PCCA: variants seen among roughly 807,000 people sequenced by gnomAD.
PCCA encodes the protein propionyl-CoA carboxylase subunit alpha.
Under a neutral mutation model 101.3 loss-of-function variants are expected in PCCA, and 74 were observed. The ratio of observed to expected loss-of-function variants is 0.73; its 90% CI spans 0.61 to 0.89. The LOEUF (loss-of-function observed/expected upper bound fraction) is 0.89. Ranked by LOEUF, PCCA falls within the 40% of genes least tolerant of loss-of-function variation. The pLI is 0.00. For missense variants in PCCA, 891 were observed against 907.0 expected, an observed-to-expected ratio of 0.98 and a Z score of 0.23; for synonymous variants, 294 against 313.6, an observed-to-expected ratio of 0.94 and a Z score of 0.66.
chr13:100,156,190 T>C (rs2053867669), intron 5 of PCCA, among the ~76,000 whole-genome samples: 1 of 152,206 alleles, frequency 6.6e-6, no homozygotes, highest in Admixed American at 6.5e-5. Flanking sequence ...TGCCTCAGCC[T>C]CCCAAGTAGC....
At chr13:100,310,669 T>C (rs9557413) in intron 16 of PCCA, among the ~76,000 whole-genome samples, 45,921 of 152,076 alleles carry the variant, frequency 0.3, 8,370 homozygotes, top group Middle Eastern at 0.47. Context: ...TCATGTTTTA[T>C]ACTTAAATGA....
intron 18 of PCCA, among the ~76,000 whole-genome samples, chr13:100,346,446 T>C (rs1467514125): frequency 6.6e-6 from 1 of 152,186 alleles, no homozygotes; most frequent in Admixed American, 6.5e-5. Flanking sequence ...AATCTCGTGA[T>C]AGAACTTGAA....
intron 16 of PCCA, among the ~76,000 whole-genome samples, chr13:100,328,883 G>C (rs563073142): frequency 6.6e-6 from 1 of 151,306 alleles, no homozygotes; most frequent in Admixed American, 6.6e-5. Context: ...TAGTAGAGAT[G>C]GGGTTTCACT....
intron 6 of PCCA, among the ~76,000 whole-genome samples, chr13:100,176,527 C>T (rs1361799890): frequency 6.6e-6 from 1 of 152,076 alleles, no homozygotes; most frequent in African/African-American, 2.4e-5. Flanking sequence ...ATGTATCTGT[C>T]TACTTATTTA....
In PCCA at chr13:100,302,927, C is replaced by G. The variant is rs772750102; in HGVS notation, c.1213C>G (p.Pro405Ala). The G allele has an allele frequency of 6.3e-6, 10 of 1,581,970 alleles. No individual in the cohort carries two copies. The South Asian group carries it at 1.1e-4, about 17-fold the overall frequency. The change falls in exon 14 of 24, where the codon CCC becomes GCC. Residue 405 changes from proline to alanine, a missense_variant. Physicochemically the swap from Pro to Ala is conservative, Grantham distance 27. Transcript: ENST00000376285. ...AVECRVYAEDPYKSFGLPSIG... is the reference protein window; with the variant it reads ...AVECRVYAEDAYKSFGLPSIG... ...TTCCTTTCCTTTGAACTTTCAGGAC[C>G]CCTACAAGTCTTTTGGTTTACCATC... is the stretch of plus-strand genomic sequence containing the variant.
chr13:100,261,228 G>T (rs2062483150), intron 9 of PCCA, among the ~76,000 whole-genome samples: 1 of 152,036 alleles, frequency 6.6e-6, no homozygotes, highest in Non-Finnish European at 1.5e-5. Context: ...TTAAATACAG[G>T]TATTTAATCT....
chr13:100,315,180 T>C (rs1431437892), intron 16 of PCCA, among the ~76,000 whole-genome samples: 1 of 152,174 alleles, frequency 6.6e-6, no homozygotes, highest in African/African-American at 2.4e-5. Flanking sequence ...TATATAGTAA[T>C]TCTGCTTACT....
intron 12 of PCCA, among the ~76,000 whole-genome samples, chr13:100,294,377 C>A (rs2065360033): frequency 6.6e-6 from 1 of 152,078 alleles, no homozygotes; most frequent in African/African-American, 2.4e-5. Flanking sequence ...CTTATCATTT[C>A]TTCATGTGAT....
chr13:100,142,417 G>T (rs895086989), intron 4 of PCCA, among the ~76,000 whole-genome samples: 3 of 151,002 alleles, frequency 2.0e-5, no homozygotes, highest in African/African-American at 7.3e-5. Context: ...CACAAATTTA[G>T]TTCCAGAAAT....
At chr13:100,525,252 C>A (rs1018009339) in intron 22 of PCCA, among the ~76,000 whole-genome samples, 1 of 152,180 alleles carries the variant, frequency 6.6e-6, no homozygotes, top group Non-Finnish European at 1.5e-5. Flanking sequence ...CGGACTCTCA[C>A]AATCAGACAG....
chr13:100,323,799 A>G (rs924194557), intron 16 of PCCA, among the ~76,000 whole-genome samples: 2 of 152,186 alleles, frequency 1.3e-5, no homozygotes, highest in East Asian at 1.9e-4. Context: ...ATTAAGCATT[A>G]TATCATTTAT....
At chr13:100,127,331 A>G (rs767565184) in intron 4 of PCCA, among the ~76,000 whole-genome samples, 9 of 152,216 alleles carry the variant, frequency 5.9e-5, no homozygotes, top group Non-Finnish European at 1.0e-4. Flanking sequence ...TTTTTTGTTA[A>G]TAACTTATAC....
At chr13:100,353,275 A>G (rs1416632852) in intron 18 of PCCA, among the ~76,000 whole-genome samples, 1 of 152,214 alleles carries the variant, frequency 6.6e-6, no homozygotes, top group East Asian at 1.9e-4. Context: ...AAATAGATCT[A>G]ACAGACATCT....
intron 19 of PCCA, among the ~76,000 whole-genome samples, chr13:100,404,974 G>A (rs773741716): frequency 9.2e-5 from 14 of 152,102 alleles, no homozygotes; most frequent in Non-Finnish European, 1.9e-4. Flanking sequence ...GCTTTGACCC[G>A]AAGCTTGGAA....
chr13:100,363,405 G>C (rs1193280890), intron 18 of PCCA, among the ~76,000 whole-genome samples: 1 of 151,842 alleles, frequency 6.6e-6, no homozygotes, highest in Non-Finnish European at 1.5e-5. Context: ...TGAGCCATGG[G>C]AGGGCTCCTT....
chr13:100,525,990 C>G (rs1398222997), intron 22 of PCCA, among the ~76,000 whole-genome samples: 1 of 152,224 alleles, frequency 6.6e-6, no homozygotes, highest in African/African-American at 2.4e-5. Context: ...TGCCTGAGTG[C>G]TCAGTCCTAG....
chr13:100,485,465 G>T (rs888326356), intron 21 of PCCA, among the ~76,000 whole-genome samples: 1 of 152,228 alleles, frequency 6.6e-6, no homozygotes, highest in African/African-American at 2.4e-5. Flanking sequence ...CACATGTGTG[G>T]TGAGCATTTC....
At chr13:100,525,491 G>C (rs775047906) in intron 22 of PCCA, among the ~76,000 whole-genome samples, 78 of 152,260 alleles carry the variant, frequency 5.1e-4, no homozygotes, top group Non-Finnish European at 1.0e-3. Context: ...CCCAGGCCCT[G>C]GCGGGGCCCA....
At chr13:100,180,566 A>AG (rs2152429395) in intron 6 of PCCA, among the ~76,000 whole-genome samples, 1 of 152,280 alleles carries the variant, frequency 6.6e-6, no homozygotes, top group East Asian at 1.9e-4. Context: ...AGTTAGAGTT[A>AG]GGGGGTAGGT....
Sources: gnomAD v4.1 joint callset for allele counts (sites outside exome capture counted in the v4.1 genomes callset) on GRCh38, gnomAD v4.1.1 for gene constraint, MANE v1.5 for transcripts, NCBI Gene and HGNC (gene_info 2026-07-23, HGNC 2026-07-21) for gene names.